DOCK9: variants seen among roughly 807,000 people sequenced by gnomAD.
DOCK9 encodes dedicator of cytokinesis 9.
DOCK9 carries 89 observed loss-of-function variants against 263.3 expected under a neutral mutation model. The ratio of observed to expected loss-of-function variants is 0.34; its 90% CI spans 0.28 to 0.40. The LOEUF is 0.40. Among genes scored for constraint, DOCK9 ranks in the 10% least tolerant of loss-of-function variants. DOCK9 has a pLI of 1.00. For missense variants in DOCK9, 2,140 were observed against 2,603.4 expected (o/e 0.82, Z 3.87); for synonymous variants, 976 against 973.1 (o/e 1.00, Z -0.06).
upstream of DOCK9, among the ~76,000 whole-genome samples, chr13:98,978,307 T>C (rs186024022): frequency 3.9e-5 from 6 of 152,360 alleles, no homozygotes; most frequent in East Asian, 1.2e-3. Flanking sequence ...GACTCCTTCA[T>C]AATTACCTTA....
At chr13:98,802,278 C>T (rs2090199235) in intron 49 of DOCK9, among the ~76,000 whole-genome samples, 1 of 152,244 alleles carries the variant, frequency 6.6e-6, no homozygotes, top group Admixed American at 6.5e-5. Flanking sequence ...CACAGGCCCA[C>T]AGATGTCTGT....
intron 1 of DOCK9, among the ~76,000 whole-genome samples, chr13:99,026,022 AGGG>A: frequency 2.6e-5 from 1 of 38,636 alleles, no homozygotes; most frequent in Non-Finnish European, 5.9e-5. Flanking sequence ...ACAGTTCCCT[AGGG>A]CGCCACTGCA....
intron 1 of DOCK9, among the ~76,000 whole-genome samples, chr13:99,010,074 A>T (rs1188885134): frequency 1.3e-5 from 2 of 152,036 alleles, no homozygotes; most frequent in Non-Finnish European, 2.9e-5. Flanking sequence ...AACATGTCAC[A>T]AAAGAAACTG....
intron 50 of DOCK9, among the ~76,000 whole-genome samples, chr13:98,799,357 C>A (rs1445891751): frequency 6.6e-6 from 1 of 152,136 alleles, no homozygotes; most frequent in Admixed American, 6.5e-5. Flanking sequence ...CACACATGTA[C>A]ATATACATAT....
chr13:98,947,575 T>C (rs2056883653), intron 2 of DOCK9, among the ~76,000 whole-genome samples: 1 of 145,162 alleles, frequency 6.9e-6, no homozygotes, highest in Non-Finnish European at 1.5e-5. Flanking sequence ...AGTGGCACAA[T>C]CTTGGCTCAC....
At chr13:99,030,963 A>G (rs936024900) in intron 1 of DOCK9, among the ~76,000 whole-genome samples, 15 of 152,216 alleles carry the variant, frequency 9.9e-5, no homozygotes, top group Admixed American at 9.2e-4. Flanking sequence ...TGCTTGCTAC[A>G]GAGTTTAACA....
intron 1 of DOCK9, among the ~76,000 whole-genome samples, chr13:99,075,747 C>T (rs942285317): frequency 6.6e-6 from 1 of 151,628 alleles, no homozygotes; most frequent in Non-Finnish European, 1.5e-5. Flanking sequence ...AACTGTATGA[C>T]TGAACATCTA....
At chr13:98,858,106 T>C (rs959796052) in intron 33 of DOCK9, 8 of 152,198 alleles carry the variant, frequency 5.3e-5, no homozygotes, top group African/African-American at 9.7e-5. Context: ...CAGATGGAAA[T>C]GCAATATATC....
In DOCK9 at chr13:98,825,075, C is replaced by T. The variant is rs573028665; in HGVS notation, c.5024-571G>A. Among the ~76,000 whole-genome samples the T allele has an allele frequency of 6.6e-6, 1 of 152,152 alleles. No homozygotes were observed. Among genetic ancestry groups the T allele is most frequent in the Non-Finnish European group, 1.5e-5 (1 of 68,026 alleles). ...ACCCCAGAGGCCCCGGGGTGGGTGG[C>T]TGGCTGCATCAACAGAGGGCATGGA... is the stretch of plus-strand genomic sequence containing the variant. On this transcript the variant is annotated intron_variant, in intron 44 of 52. Transcript: ENST00000682017. The surrounding 1 kb of genome is among the most constrained non-coding windows in gnomAD (Gnocchi z 4.1).
In DOCK9 at chr13:98,825,272, A is replaced by C. The variant is rs1240396414; in HGVS notation, c.5024-768T>G. On this transcript the variant is annotated intron_variant, in intron 44 of 52. Transcript: ENST00000682017. The surrounding 1 kb of genome is among the most constrained non-coding windows in gnomAD (Gnocchi z 4.1). ...AGTTGGACCACGTCAGCTATGCAAA[A>C]TGATCAAGTGAAGAAGGGCATGAGA... Among the ~76,000 whole-genome samples the C allele has an allele frequency of 2.6e-5, 4 of 152,250 alleles. No homozygotes were observed. Among genetic ancestry groups the C allele is most frequent in the African/African-American group, 9.6e-5 (4 of 41,462 alleles).
intron 1 of DOCK9, among the ~76,000 whole-genome samples, chr13:98,961,035 A>G (rs1318993680): frequency 6.6e-6 from 1 of 152,186 alleles, no homozygotes; most frequent in Non-Finnish European, 1.5e-5. Context: ...ACTGAGTTGA[A>G]GCAGCCCTGG....
intron 2 of DOCK9, among the ~76,000 whole-genome samples, chr13:98,939,998 A>G (rs2055552333): frequency 6.6e-6 from 1 of 152,238 alleles, no homozygotes; most frequent in African/African-American, 2.4e-5. Flanking sequence ...TTACTATTCA[A>G]CAACTCTGGG....
intron 9 of DOCK9, among the ~76,000 whole-genome samples, chr13:98,911,083 C>G (rs147405158): frequency 6.6e-6 from 1 of 152,186 alleles, no homozygotes; most frequent in African/African-American, 2.4e-5. Flanking sequence ...GGGCTGCTCA[C>G]ACTGACACCA....
intron 18 of DOCK9, among the ~76,000 whole-genome samples, chr13:98,886,949 C>T (rs907714853): frequency 2.0e-5 from 3 of 151,916 alleles, no homozygotes; most frequent in East Asian, 1.9e-4. Flanking sequence ...ATCAAGAAAA[C>T]GCTCAAGCAT....
intron 36 of DOCK9, 76 bp downstream of exon 36, chr13:98,849,970 AC>A: frequency 9.4e-7 from 1 of 1,060,104 alleles, no homozygotes; most frequent in Non-Finnish European, 1.4e-6. Flanking sequence ...CTCTGGTTCA[AC>A]TACATAGTAT....
rs754860617 is a variant in DOCK9 at position 98,825,945 on chromosome 13, A to G, written c.5023+885T>C. On this transcript the variant is annotated intron_variant, in intron 44 of 52. Transcript: ENST00000682017. The surrounding 1 kb of genome is among the most constrained non-coding windows in gnomAD (Gnocchi z 4.1). ...GCGGCTCCCACTGGACTGCTTCTAA[A>G]CATGAGGAAATGCATCACCTGATAA... 24 of 1,539,554 alleles carry G rather than the reference A, an allele frequency of 1.6e-5. No homozygotes were observed. Among genetic ancestry groups the G allele is most frequent in the Non-Finnish European group, 2.1e-5 (24 of 1,141,026 alleles).
intron 1 of DOCK9, among the ~76,000 whole-genome samples, chr13:98,968,057 G>A (rs188160096): frequency 9.5e-4 from 145 of 152,220 alleles, no homozygotes; most frequent in Non-Finnish European, 1.9e-3. Flanking sequence ...TAAAGAATGT[G>A]TAAGTATAAA....
chr13:98,955,551 C>A lies in DOCK9; in HGVS notation c.127G>T (p.Ala43Ser), dbSNP rs2057955818. ...AGTGGCTCAATTAGCTTTGGCTTTG[C>A]CTGGAGGGCGAAAAGATAAGCAAGA... is the stretch of plus-strand genomic sequence containing the variant. ...VEAESPGPVP[A>S]KPKLIEPLDY... The change falls in exon 2 of 53, where the codon GCA becomes TCA. Residue 43 changes from alanine (A) to serine (S), a missense_variant and splice_region_variant. Physicochemically the swap from Ala to Ser is moderately conservative, Grantham distance 99. Coordinates refer to ENST00000682017, the MANE Select transcript of DOCK9 (RefSeq NM_001366683.2). The A allele has an allele frequency of 6.3e-7, 1 of 1,578,398 alleles. No individual in the cohort carries two copies. The highest frequency in any genetic ancestry group is 8.6e-7 in the Non-Finnish European group (1 of 1,159,640).
At chr13:98,889,304 G>A (rs2046274465) in intron 15 of DOCK9, among the ~76,000 whole-genome samples, 1 of 152,148 alleles carries the variant, frequency 6.6e-6, no homozygotes, top group African/African-American at 2.4e-5. Flanking sequence ...CACTGCTCGG[G>A]TGATGGGTGC....
Sources: gnomAD v4.1 joint callset for allele counts (sites outside exome capture counted in the v4.1 genomes callset) on GRCh38, gnomAD v4.1.1 for gene constraint, Gnocchi (gnomAD v3.1) non-coding constraint, MANE v1.5 for transcripts, NCBI Gene and HGNC (gene_info 2026-07-23, HGNC 2026-07-21) for gene names.